The following CACNA2D3 variants were observed in gnomAD, a reference collection of about 807,000 sequenced individuals.
CACNA2D3 encodes the protein voltage-dependent calcium channel subunit alpha-2/delta-3.
Under a neutral mutation model 160.6 loss-of-function variants are expected in CACNA2D3, and 60 were observed. The observed-to-expected ratio is 0.37, with a 90% confidence interval of 0.30 to 0.46. The LOEUF (loss-of-function observed/expected upper bound fraction) is 0.46. CACNA2D3 is among the 20% of genes least tolerant of loss of function. The pLI is 1.00. For synonymous variants in CACNA2D3, 558 were observed against 492.9 expected, an observed-to-expected ratio of 1.13 and a Z score of -1.75; for missense variants, 1,205 against 1,365.0, an observed-to-expected ratio of 0.88 and a Z score of 1.85.
intron 3 of CACNA2D3, among the ~76,000 whole-genome samples, chr3:54,339,774 G>T (rs1019735420): frequency 3.2e-4 from 49 of 152,268 alleles, no homozygotes; most frequent in African/African-American, 1.2e-3. Context: ...ACTATTCTTT[G>T]TGAGTGAGTT....
chr3:54,739,063 T>C (rs55931430), intron 11 of CACNA2D3, among the ~76,000 whole-genome samples: 19,641 of 151,978 alleles, frequency 0.13, 1,582 homozygotes, highest in Non-Finnish European at 0.18. Context: ...GAGGATTGCT[T>C]TGGGCTGCAG....
intron 2 of CACNA2D3, among the ~76,000 whole-genome samples, chr3:54,124,656 TATATGAA>T (rs1274069666): frequency 6.6e-6 from 1 of 152,210 alleles, no homozygotes; most frequent in Non-Finnish European, 1.5e-5. Flanking sequence ...TTGGGGACAG[TATATGAA>T]ACAGTTTGCC....
chr3:54,196,798 T>G (rs943951483), intron 2 of CACNA2D3, among the ~76,000 whole-genome samples: 1 of 152,210 alleles, frequency 6.6e-6, no homozygotes, highest in Non-Finnish European at 1.5e-5. Flanking sequence ...GCATTGGAAT[T>G]TACTGAATTC....
At chr3:55,043,935 T>C (rs1019202412) in intron 35 of CACNA2D3, among the ~76,000 whole-genome samples, 6 of 152,238 alleles carry the variant, frequency 3.9e-5, no homozygotes, top group African/African-American at 1.4e-4. Context: ...TATATATGTA[T>C]ACATCTGATT....
intron 17 of CACNA2D3, among the ~76,000 whole-genome samples, chr3:54,864,310 G>C (rs541564001): frequency 8.0e-5 from 12 of 149,586 alleles, no homozygotes; most frequent in African/African-American, 2.5e-4. Context: ...GTCTCTCTCT[G>C]TCGCCCAGGC....
rs539071610 is a variant in CACNA2D3, at chr3:54,701,727, C to T, written c.1168-50872C>T. Reference sequence around the variant, plus strand: ...ATCAAACTACTAATGTCATTTTTCACAGAACTAGAATAAACTATTCTAAAA... The same window carrying T: ...ATCAAACTACTAATGTCATTTTTCATAGAACTAGAATAAACTATTCTAAAA... On this transcript the variant is annotated intron_variant, in intron 11 of 37. Transcript: ENST00000474759. Among the ~76,000 whole-genome samples, 15 of 152,262 alleles carry T rather than the reference C, an allele frequency of 9.9e-5. No individual in the cohort carries two copies. The East Asian group carries it at 2.7e-3, about 27-fold the overall frequency.
intron 3 of CACNA2D3, among the ~76,000 whole-genome samples, chr3:54,382,431 G>C (rs1355295078): frequency 6.6e-6 from 1 of 152,212 alleles, no homozygotes; most frequent in Non-Finnish European, 1.5e-5. Flanking sequence ...ATCAGAATTT[G>C]AAGTTCTATG....
At chr3:54,357,399 GA>G (rs1474326849) in intron 3 of CACNA2D3, among the ~76,000 whole-genome samples, 1 of 152,120 alleles carries the variant, frequency 6.6e-6, no homozygotes, top group African/African-American at 2.4e-5. Flanking sequence ...ATCTTTTATT[GA>G]AATATAAAGT....
In CACNA2D3 at chr3:54,462,980, A is replaced by C. The variant is rs866630411; in HGVS notation, c.382-40512A>C. On this transcript the variant is annotated intron_variant, in intron 4 of 37. Coordinates refer to ENST00000474759, the MANE Select transcript of CACNA2D3 (RefSeq NM_018398.3). Reference sequence around the variant, plus strand: ...TTTTAGGGCAGGCCTGGTGGTGACAAAATCTCTCAGCATTTGCTTGTCTTT... The same window carrying C: ...TTTTAGGGCAGGCCTGGTGGTGACACAATCTCTCAGCATTTGCTTGTCTTT... Among the ~76,000 whole-genome samples, 502 of 150,248 alleles carry C rather than the reference A, an allele frequency of 3.3e-3. 1 individual carries two copies. The highest frequency in any genetic ancestry group is 6.8e-3 in the Middle Eastern group (2 of 294).
intron 13 of CACNA2D3, among the ~76,000 whole-genome samples, chr3:54,770,471 G>C (rs930052784): frequency 2.6e-5 from 4 of 152,168 alleles, no homozygotes; most frequent in Non-Finnish European, 5.9e-5. Context: ...TTGAAAATCA[G>C]TCAGATTTGC....
At chr3:55,023,882 C>A (rs150459232) in intron 35 of CACNA2D3, among the ~76,000 whole-genome samples, 2 of 150,606 alleles carry the variant, frequency 1.3e-5, no homozygotes, top group Non-Finnish European at 1.5e-5. Context: ...TCAGAGAGTG[C>A]CAGATTATCC....
At chr3:54,504,580 A>G (rs1158518284) in intron 5 of CACNA2D3, among the ~76,000 whole-genome samples, 2 of 152,330 alleles carry the variant, frequency 1.3e-5, no homozygotes, top group South Asian at 2.1e-4. Context: ...TACCTAAAAA[A>G]CTTCTAAACA....
intron 4 of CACNA2D3, among the ~76,000 whole-genome samples, chr3:54,441,506 C>G (rs113037847): frequency 0.18 from 27,635 of 152,046 alleles, 2,632 homozygotes; most frequent in Admixed American, 0.27. Flanking sequence ...TCCCATTTGT[C>G]AATTTTGGCT....
intron 2 of CACNA2D3, among the ~76,000 whole-genome samples, chr3:54,211,783 A>G (rs1701376406): frequency 6.6e-6 from 1 of 152,210 alleles, no homozygotes; most frequent in Non-Finnish European, 1.5e-5. Context: ...TGAAAGGGAA[A>G]CTGTTATTTA....
intron 9 of CACNA2D3, among the ~76,000 whole-genome samples, chr3:54,598,149 A>G (rs1391643299): frequency 6.6e-6 from 1 of 151,148 alleles, no homozygotes; most frequent in African/African-American, 2.4e-5. Context: ...ATACAACAAC[A>G]ACAAAAAAAT....
intron 26 of CACNA2D3, 58 bp from the exon 27 acceptor site, chr3:54,899,730 C>A (rs1700282348): frequency 8.0e-7 from 1 of 1,248,462 alleles, no homozygotes; most frequent in African/African-American, 1.5e-5. Context: ...TGATTACTCT[C>A]TTAACGTGTA....
intron 25 of CACNA2D3, among the ~76,000 whole-genome samples, chr3:54,892,265 G>A (rs144666627): frequency 6.2e-4 from 95 of 152,184 alleles, no homozygotes; most frequent in African/African-American, 2.2e-3. Flanking sequence ...GAGTTCAGAG[G>A]TTACCACAGA....
intron 11 of CACNA2D3, among the ~76,000 whole-genome samples, chr3:54,677,605 T>C (rs886516318): frequency 7.5e-6 from 1 of 132,800 alleles, no homozygotes; most frequent in Non-Finnish European, 1.6e-5. Flanking sequence ...ATTTGAATAG[T>C]TTTTGTTTTT....
At chr3:54,816,972 G>GT (rs1559593385) in intron 14 of CACNA2D3, 102 bp downstream of exon 14, 5 of 1,384,574 alleles carry the variant, frequency 3.6e-6, no homozygotes, top group Middle Eastern at 1.8e-4. Context: ...CAGTGAAATG[G>GT]TTTTTTTCCA....
Sources: allele counts gnomAD v4.1 joint callset (sites outside exome capture counted in the v4.1 genomes callset), GRCh38; gene constraint gnomAD v4.1.1; transcripts MANE v1.5; gene names NCBI Gene and HGNC (gene_info 2026-07-23, HGNC 2026-07-21).